Variants in TMEM126B observed in about 807,000 individuals in gnomAD.
TMEM126B encodes transmembrane protein 126B, also known as complex I assembly factor TMEM126B, mitochondrial.
A neutral mutation model predicts 16.5 loss-of-function variants in TMEM126B; 19 were observed. The ratio of observed to expected loss-of-function variants is 1.15; its 90% CI spans 0.80 to 1.69. The LOEUF (loss-of-function observed/expected upper bound fraction) is 1.69. Among genes scored for constraint, TMEM126B ranks in the 40% most tolerant of loss-of-function variants. TMEM126B has a pLI of 0.00. For missense variants in TMEM126B, 293 were observed against 278.7 expected, an observed-to-expected ratio of 1.05 and a Z score of -0.37; for synonymous variants, 104 against 93.2, an observed-to-expected ratio of 1.12 and a Z score of -0.67.
chr11:85,628,747 G>C (rs943842286), intron 1 of TMEM126B, 59 bp downstream of exon 1: 18 of 1,469,584 alleles, frequency 1.2e-5, no homozygotes, highest in Admixed American at 4.0e-5. Flanking sequence ...AGTGTTGGCA[G>C]ACTCTTCTAA....
At chr11:85,635,826 T>C (rs184117003) in intron 4 of TMEM126B, 48 bp downstream of exon 4, 23 of 1,302,884 alleles carry the variant, frequency 1.8e-5, no homozygotes, top group South Asian at 7.2e-5. Context: ...CTTTTCTTTT[T>C]TTTTTTTTTT....
At chr11:85,633,201 A>C (rs1196719829) in intron 2 of TMEM126B, among the ~76,000 whole-genome samples, 2 of 152,146 alleles carry the variant, frequency 1.3e-5, no homozygotes, top group Non-Finnish European at 2.9e-5. Context: ...CCAGTCTATC[A>C]TTGCTGGACA....
chr11:85,631,616 G>A (rs2082297800), intron 1 of TMEM126B, 71 bp from the exon 2 acceptor site: 4 of 1,509,206 alleles, frequency 2.7e-6, no homozygotes, highest in Non-Finnish European at 2.7e-6. Context: ...ATCTGAATCT[G>A]TAGAATTCTG....
chr11:85,631,672 A>T lies in TMEM126B; in HGVS notation c.82-15A>T, dbSNP rs74405350. ...ATATCATTAGCTATTATGGCTCTGGAATTTTTTTTTCCAGGTTTTCAAGAT... is the reference window on the plus strand; with the variant it reads ...ATATCATTAGCTATTATGGCTCTGGTATTTTTTTTTCCAGGTTTTCAAGAT... On this transcript the variant is annotated splice_polypyrimidine_tract_variant and intron_variant, in intron 1 of 4. Coordinates refer to ENST00000358867, the MANE Select transcript of TMEM126B (RefSeq NM_018480.7). The T allele has an allele frequency of 6.2e-7, 1 of 1,604,006 alleles. No homozygotes were observed. The highest frequency in any genetic ancestry group is 8.5e-7 in the Non-Finnish European group (1 of 1,177,558).
intron 2 of TMEM126B, among the ~76,000 whole-genome samples, chr11:85,632,431 A>G (rs1445064480): frequency 6.6e-6 from 1 of 152,126 alleles, no homozygotes; most frequent in African/African-American, 2.4e-5. Flanking sequence ...TTTAGTAGAG[A>G]TGGTTTAACC....
Position 85,631,777 on chromosome 11 carries a change from GA to G in TMEM126B, c.179del (p.Asn60IlefsTer9), listed in dbSNP as rs757845368. 3 of 1,611,138 alleles carry G rather than the reference GA, an allele frequency of 1.9e-6. No individual in the cohort carries two copies. The highest frequency in any genetic ancestry group is 1.7e-6 in the Non-Finnish European group (2 of 1,179,164). ...LRRPMVIEII[E>X]KNFDYLRKEM... ...AAGACCAATGGTCATAGAAATCATA[GA>G]AAAAAATTTTGACTATCTTAGAAAA... On this transcript the variant is annotated frameshift_variant, in exon 2 of 5. Transcript: ENST00000358867. LOFTEE classifies it high-confidence loss of function.
At chr11:85,628,883 C>A (rs2082160800) in intron 1 of TMEM126B, among the ~76,000 whole-genome samples, 195 bp downstream of exon 1, 1 of 152,170 alleles carries the variant, frequency 6.6e-6, no homozygotes, top group South Asian at 2.1e-4. Flanking sequence ...AAATTCTAGT[C>A]CTCATTATCT....
intron 1 of TMEM126B, among the ~76,000 whole-genome samples, chr11:85,630,072 G>A (rs775799199): frequency 6.6e-6 from 1 of 152,150 alleles, no homozygotes; most frequent in Non-Finnish European, 1.5e-5. Flanking sequence ...GGTACATACC[G>A]CTCATTCAGC....
At chr11:85,631,564 GAC>G (rs1180698668) in intron 1 of TMEM126B, 121 bp from the exon 2 acceptor site, 1 of 1,116,870 alleles carries the variant, frequency 9.0e-7, no homozygotes. Flanking sequence ...GAAAGCAGAC[GAC>G]ACAGTACCTG....
chr11:85,634,389 TAC>T, intron 3 of TMEM126B, 110 bp downstream of exon 3: 1 of 789,862 alleles, frequency 1.3e-6, no homozygotes, highest in South Asian at 1.9e-5. Flanking sequence ...TATATTGCTA[TAC>T]AGTTTACAAA....
chr11:85,629,309 A>G, intron 1 of TMEM126B: 1 of 1,144,324 alleles, frequency 8.7e-7, no homozygotes, highest in Non-Finnish European at 1.2e-6. Context: ...GTAAAATAAT[A>G]CACATGAAAG....
intron 2 of TMEM126B, among the ~76,000 whole-genome samples, chr11:85,633,033 A>G (rs1158809028): frequency 6.6e-6 from 1 of 151,894 alleles, no homozygotes; most frequent in African/African-American, 2.4e-5. Flanking sequence ...TTTCCCACCT[A>G]TGAGTGAGAA....
chr11:85,629,451 G>A (rs908600545), intron 1 of TMEM126B, among the ~76,000 whole-genome samples: 7 of 152,196 alleles, frequency 4.6e-5, no homozygotes, highest in Non-Finnish European at 4.4e-5. Context: ...GTCTTTGACA[G>A]TGCCTTGCAA....
intron 3 of TMEM126B, 102 bp from the exon 4 acceptor site, chr11:85,635,565 G>A (rs2082382319): frequency 2.8e-6 from 2 of 702,858 alleles, no homozygotes; most frequent in East Asian, 2.7e-5. Context: ...CTATGGTTTA[G>A]TTGTGGTTGA....
rs2153309449 is a variant in TMEM126B, at chr11:85,635,763, G to T, written c.494G>T (p.Gly165Val). The T allele has an allele frequency of 3.1e-6, 5 of 1,591,210 alleles. No homozygotes were observed. The highest frequency in any genetic ancestry group is 3.4e-6 in the Non-Finnish European group (4 of 1,172,854). ...YPSSLAFTKN[G>V]RLATKYHTVP... ...AGTTCTTTGGCTTTTACTAAAAATG[G>T]ACGCCTGGCAACCAAGTAAGTTCTT... Residue 165 changes from glycine (G) to valine (V), a missense_variant, in exon 4 of 5, where the codon GGA becomes GTA. Coordinates refer to ENST00000358867, the MANE Select transcript of TMEM126B (RefSeq NM_018480.7).
Position 85,634,256 on chromosome 11 carries a change from T to C in TMEM126B, c.374T>C (p.Phe125Ser). The C allele has an allele frequency of 6.2e-7, 1 of 1,613,392 alleles. No individual in the cohort carries two copies. The highest frequency in any genetic ancestry group is 8.5e-7 in the Non-Finnish European group (1 of 1,179,714). Residue 125 changes from phenylalanine to serine, a missense_variant, in exon 3 of 5, where the codon TTT becomes TCT. Transcript: ENST00000358867. ...TCTACTGTTGTTACTGACAAGCTTT[T>C]TGTAATTGATGCTTTGTATTCAGGT... ...FLSTVVTDKL[F>S]VIDALYSDNI...
rs1344469452 is a variant in TMEM126B at position 85,634,251 on chromosome 11, G to A, written c.369G>A (p.Lys123=). Residue 123 remains lysine (K), a synonymous_variant, in exon 3 of 5, where the codon AAG becomes AAA. Coordinates refer to ENST00000358867, the MANE Select transcript of TMEM126B (RefSeq NM_018480.7). ...TTTTGTCTACTGTTGTTACTGACAAGCTTTTTGTAATTGATGCTTTGTATT... is the reference window on the plus strand; with the variant it reads ...TTTTGTCTACTGTTGTTACTGACAAACTTTTTGTAATTGATGCTTTGTATT... ...LPFLSTVVTD[K]LFVIDALYSD... 2 of 1,613,046 alleles carry A rather than the reference G, an allele frequency of 1.2e-6. No individual in the cohort carries two copies. The highest frequency in any genetic ancestry group is 3.3e-5 in the Admixed American group (2 of 59,884).
At chr11:85,631,442 T>A in intron 1 of TMEM126B, 1 of 850,996 alleles carries the variant, frequency 1.2e-6, no homozygotes, top group African/African-American at 1.8e-5. Flanking sequence ...AGAAAGCCAA[T>A]GTCTGTATTG....
chr11:85,633,839 C>G (rs111417017), intron 2 of TMEM126B, among the ~76,000 whole-genome samples: 5 of 152,230 alleles, frequency 3.3e-5, no homozygotes, highest in Non-Finnish European at 7.4e-5. Flanking sequence ...TTTAGAATTA[C>G]TGTAAATATT....
Sources: gnomAD v4.1 joint callset for allele counts (sites outside exome capture counted in the v4.1 genomes callset) on GRCh38, gnomAD v4.1.1 for gene constraint, MANE v1.5 for transcripts, NCBI Gene and HGNC (gene_info 2026-07-23, HGNC 2026-07-21) for gene names.